The following FMN1 variants were observed in gnomAD, a reference collection of about 807,000 sequenced individuals.
FMN1 encodes formin-1.
Under a neutral mutation model 132.4 loss-of-function variants are expected in FMN1, and 110 were observed. The observed-to-expected ratio is 0.83, with a 90% CI of 0.71 to 0.97. The LOEUF is 0.97. Among genes scored for constraint, FMN1 ranks in the 50% least tolerant of loss-of-function variants. The probability of loss-of-function intolerance (pLI) is 0.00; values close to 1 mark genes in which losing one functional copy is unlikely to be tolerated. For missense variants in FMN1, 1,792 were observed against 1,705.3 expected (o/e 1.05, Z -0.90); for synonymous variants, 722 against 651.7 (o/e 1.11, Z -1.64).
intron 6 of FMN1, among the ~76,000 whole-genome samples, chr15:33,037,019 G>C (rs76389398): frequency 0.013 from 1,905 of 152,300 alleles, 46 homozygotes; most frequent in African/African-American, 0.042. Context: ...ATTTCCTTTT[G>C]TTCTTTTTTC....
In FMN1 at chr15:32,769,744, T is replaced by C. The variant is rs1208786673; in HGVS notation, c.*4566A>G. ...AGCTTGGCCACACAGACTGGTTTCA[T>C]CTGTGTTGCAGATTTCTTTATGAGG... On this transcript the variant is annotated 3_prime_UTR_variant, in exon 21 of 21. Transcript: ENST00000616417. The C allele has an allele frequency of 1.3e-5, 2 of 152,238 alleles. No individual in the cohort carries two copies. The highest frequency in any genetic ancestry group is 2.4e-5 in the African/African-American group (1 of 41,464). 9.4% of individuals were successfully genotyped at this position (152,238 alleles called of 1,614,324 possible). A position where few individuals can be genotyped will look rare whatever the true frequency, so the allele number is the denominator to read the frequency against.
chr15:33,061,168 AAAT>A (rs1419435472), intron 6 of FMN1, among the ~76,000 whole-genome samples: 1 of 152,142 alleles, frequency 6.6e-6, no homozygotes, highest in Non-Finnish European at 1.5e-5. Context: ...AGGAATCTAA[AAAT>A]ATGAAGAATC....
At chr15:33,077,654 T>C (rs1041000576) in intron 5 of FMN1, among the ~76,000 whole-genome samples, 3 of 151,960 alleles carry the variant, frequency 2.0e-5, no homozygotes, top group Non-Finnish European at 1.5e-5. Flanking sequence ...CTGAGAATGA[T>C]GGTTTCCAGC....
chr15:33,112,988 T>C (rs1194252897), intron 4 of FMN1, among the ~76,000 whole-genome samples: 1 of 152,232 alleles, frequency 6.6e-6, no homozygotes, highest in Non-Finnish European at 1.5e-5. Context: ...TGTTAGGTGC[T>C]TTGACAACAG....
intron 17 of FMN1, among the ~76,000 whole-genome samples, chr15:32,838,156 G>A (rs369996230): frequency 6.6e-6 from 1 of 152,082 alleles, no homozygotes; most frequent in African/African-American, 2.4e-5. Context: ...TCTGGAGAGC[G>A]AGTCACAAGA....
intron 16 of FMN1, among the ~76,000 whole-genome samples, chr15:32,880,805 G>C (rs1236149221): frequency 6.6e-6 from 1 of 152,186 alleles, no homozygotes; most frequent in African/African-American, 2.4e-5. Context: ...TCCTGACTGT[G>C]TGTGTAATCC....
At chr15:32,900,296 AAACACATT>A (rs2060264718) in intron 13 of FMN1, 171 bp from the exon 14 acceptor site, 1 of 731,068 alleles carries the variant, frequency 1.4e-6, no homozygotes, top group African/African-American at 1.7e-5. Flanking sequence ...GTGTCTTTAC[AAACACATT>A]AACAGCCATT....
intron 6 of FMN1, among the ~76,000 whole-genome samples, chr15:33,041,538 C>G (rs1260069131): frequency 6.7e-6 from 1 of 148,782 alleles, no homozygotes; most frequent in Non-Finnish European, 1.5e-5. Flanking sequence ...TGTTTACAAT[C>G]TGATTAAAAA....
At chr15:33,085,639 AC>A (rs534648717) in intron 5 of FMN1, among the ~76,000 whole-genome samples, 1 of 151,134 alleles carries the variant, frequency 6.6e-6, no homozygotes, top group South Asian at 2.1e-4. Flanking sequence ...CAGGAAATAG[AC>A]ATTTTTCATC....
chr15:32,927,926 A>T (rs1298470709), intron 9 of FMN1, among the ~76,000 whole-genome samples: 1 of 152,254 alleles, frequency 6.6e-6, no homozygotes, highest in African/African-American at 2.4e-5. Flanking sequence ...TGAAGACAAG[A>T]CTAAACAGTA....
intron 18 of FMN1, 47 bp from the exon 19 acceptor site, chr15:32,799,000 T>A: frequency 6.4e-7 from 1 of 1,570,210 alleles, no homozygotes; most frequent in South Asian, 1.2e-5. Context: ...GGTGAGAAAT[T>A]GCCAACACTA....
chr15:32,853,742 T>C (rs1330098847), intron 17 of FMN1, among the ~76,000 whole-genome samples: 6 of 152,190 alleles, frequency 3.9e-5, no homozygotes. Flanking sequence ...ATTTCAGAAA[T>C]GTAGAGGTAA....
rs375356120 is a variant in FMN1 at position 32,880,673 on chromosome 15, C to G, written c.3835+7499G>C. ...ATGTCTCAAAATGTTTTTAATCTGTCCTCATATTTGACTAATAGTTTGGTG... is the reference window on the plus strand; with the variant it reads ...ATGTCTCAAAATGTTTTTAATCTGTGCTCATATTTGACTAATAGTTTGGTG... On this transcript the variant is annotated intron_variant, in intron 16 of 20. Transcript: ENST00000616417. Among the ~76,000 whole-genome samples, 423 of 152,208 alleles carry G rather than the reference C, an allele frequency of 2.8e-3. 1 individual carries two copies. Among genetic ancestry groups the G allele is most frequent in the African/African-American group, 9.2e-3 (384 of 41,530 alleles).
At chr15:32,956,107 C>T (rs984620151) in intron 9 of FMN1, among the ~76,000 whole-genome samples, 2 of 152,166 alleles carry the variant, frequency 1.3e-5, no homozygotes, top group Non-Finnish European at 2.9e-5. Flanking sequence ...CAGTTACTCT[C>T]TTCCAGGTTC....
intron 17 of FMN1, among the ~76,000 whole-genome samples, chr15:32,823,137 CAG>C (rs2058266045): frequency 7.1e-6 from 1 of 141,126 alleles, no homozygotes; most frequent in Non-Finnish European, 1.5e-5. Context: ...GTCTCAAAGA[CAG>C]AGAGTTTCTA....
chr15:32,854,578 G>C (rs1302542001), intron 17 of FMN1, among the ~76,000 whole-genome samples: 4 of 152,132 alleles, frequency 2.6e-5, no homozygotes, highest in Non-Finnish European at 4.4e-5. Flanking sequence ...TGTAAAGTAG[G>C]AGCTGATGAG....
At chr15:32,795,608 T>C (rs926905124) in intron 19 of FMN1, among the ~76,000 whole-genome samples, 2 of 147,088 alleles carry the variant, frequency 1.4e-5, no homozygotes, top group Admixed American at 1.3e-4. Flanking sequence ...GGTGGCAGGG[T>C]GAAGGGTAAA....
chr15:33,025,950 G>C (rs1240001106), intron 6 of FMN1, among the ~76,000 whole-genome samples: 1 of 152,170 alleles, frequency 6.6e-6, no homozygotes, highest in Non-Finnish European at 1.5e-5. Flanking sequence ...CTAGAGGCGT[G>C]AGATAATGTG....
At chr15:33,124,218 A>G (rs1454974329) in intron 4 of FMN1, among the ~76,000 whole-genome samples, 1 of 152,174 alleles carries the variant, frequency 6.6e-6, no homozygotes, top group Non-Finnish European at 1.5e-5. Flanking sequence ...AAGTGAGGTG[A>G]TGTTAAAGAC....
Sources: gnomAD v4.1 joint callset for allele counts (sites outside exome capture counted in the v4.1 genomes callset) on GRCh38, gnomAD v4.1.1 for gene constraint, MANE v1.5 for transcripts, NCBI Gene and HGNC (gene_info 2026-07-23, HGNC 2026-07-21) for gene names.